NTM: variants seen among roughly 807,000 people sequenced by gnomAD.
NTM encodes IgLON family member 2.
NTM carries 13 observed loss-of-function variants against 42.1 expected under a neutral mutation model. That is an observed-to-expected ratio of 0.31 (90% confidence interval 0.20 to 0.49). NTM has a LOEUF of 0.49. NTM is among the 20% of genes least tolerant of loss of function. The pLI, the probability that NTM is intolerant of heterozygous loss-of-function variation, is 0.99. For synonymous variants in NTM, 187 were observed against 179.2 expected (o/e 1.04, Z -0.35); for missense variants, 373 against 452.8 (o/e 0.82, Z 1.60).
chr11:131,792,792 G>A (rs1113223), intron 1 of NTM, among the ~76,000 whole-genome samples: 5,887 of 152,252 alleles, frequency 0.039, 389 homozygotes, highest in African/African-American at 0.13. Flanking sequence ...GTGGCAATTC[G>A]TTTCATATGT....
intron 1 of NTM, among the ~76,000 whole-genome samples, chr11:131,458,582 A>G (rs1951108836): frequency 6.6e-6 from 1 of 152,168 alleles, no homozygotes; most frequent in Non-Finnish European, 1.5e-5. Flanking sequence ...GACGTGTGTT[A>G]CTGTCTGTCA....
chr11:132,315,392 G>A (rs2095402059), intron 7 of NTM, among the ~76,000 whole-genome samples: 1 of 152,126 alleles, frequency 6.6e-6, no homozygotes, highest in East Asian at 1.9e-4. Flanking sequence ...ACCAGGCAGG[G>A]CCCTGGGCCT....
At chr11:131,386,580 C>T (rs79625253) in intron 1 of NTM, among the ~76,000 whole-genome samples, 1,577 of 152,264 alleles carry the variant, frequency 0.01, 14 homozygotes, top group Middle Eastern at 0.048. Context: ...TAAAGGAGTT[C>T]GCATTTGCTG....
intron 1 of NTM, among the ~76,000 whole-genome samples, chr11:131,760,834 G>T (rs1417263602): frequency 6.6e-6 from 1 of 152,200 alleles, no homozygotes; most frequent in Non-Finnish European, 1.5e-5. Flanking sequence ...TCCAGGGGAC[G>T]TTGGAGCGTA....
In NTM at chr11:131,468,036, T is replaced by G. The variant is rs1317723092; in HGVS notation, c.82+97148T>G. Among the ~76,000 whole-genome samples the G allele has an allele frequency of 9.2e-5, 14 of 152,048 alleles. 1 individual carries two copies. On this transcript the variant is annotated intron_variant, in intron 1 of 8. Coordinates refer to ENST00000683400, the MANE Select transcript of NTM (RefSeq NM_001352005.2). ...ACCTCTTTGGACAGCTCCCGAAGAG[T>G]GCAGTGGGGGAAAGGGATGACGTAG...
chr11:131,370,763 A>C lies in NTM; in HGVS notation c.-44A>C. The stretch of plus-strand genomic sequence containing the variant: ...TATCAGGAAAGAAAGAAAGAAAAAA[A>C]CCGAACCTGACAAAAAAGAAGAAAA... On this transcript the variant is annotated 5_prime_UTR_variant, in exon 1 of 9. Transcript: ENST00000683400. 2 of 1,544,678 alleles carry C rather than the reference A, an allele frequency of 1.3e-6. No individual in the cohort carries two copies. The highest frequency in any genetic ancestry group is 1.8e-6 in the Non-Finnish European group (2 of 1,123,350).
At chr11:131,765,937 C>T (rs2085025339) in intron 1 of NTM, among the ~76,000 whole-genome samples, 1 of 152,158 alleles carries the variant, frequency 6.6e-6, no homozygotes, top group Non-Finnish European at 1.5e-5. Flanking sequence ...AGTTGATTAC[C>T]AATAATTTAC....
chr11:131,944,227 T>A (rs2060111567), intron 2 of NTM, among the ~76,000 whole-genome samples: 1 of 152,210 alleles, frequency 6.6e-6, no homozygotes, highest in South Asian at 2.1e-4. Context: ...CAGAGTAAAA[T>A]TCTCCATTTG....
intron 4 of NTM, among the ~76,000 whole-genome samples, chr11:132,227,557 T>A (rs1180885578): frequency 6.6e-6 from 1 of 152,148 alleles, no homozygotes; most frequent in African/African-American, 2.4e-5. Flanking sequence ...ATTATTGCGG[T>A]GTAATTACTT....
At chr11:131,441,268 T>C (rs1218091314) in intron 1 of NTM, among the ~76,000 whole-genome samples, 3 of 152,214 alleles carry the variant, frequency 2.0e-5, no homozygotes, top group Admixed American at 6.5e-5. Flanking sequence ...ATCCTAATCA[T>C]GCAAAGCACT....
At chr11:131,802,960 A>G (rs919764843) in intron 1 of NTM, among the ~76,000 whole-genome samples, 17 of 152,216 alleles carry the variant, frequency 1.1e-4, no homozygotes, top group African/African-American at 3.6e-4. Flanking sequence ...TTGTGAGCAG[A>G]CAGATGCAGC....
chr11:131,687,521 G>A (rs1018228475), intron 1 of NTM, among the ~76,000 whole-genome samples: 1 of 152,200 alleles, frequency 6.6e-6, no homozygotes, highest in East Asian at 1.9e-4. Flanking sequence ...GGGCGTCAGC[G>A]TGGGGCCGGC....
intron 1 of NTM, among the ~76,000 whole-genome samples, chr11:131,789,635 A>G (rs1442472078): frequency 5.3e-5 from 2 of 37,906 alleles, no homozygotes; most frequent in Non-Finnish European, 1.2e-4. Flanking sequence ...GAAGAAGAAG[A>G]AAAGAAGAAG....
At chr11:132,297,081 G>A (rs2140074041) in intron 4 of NTM, among the ~76,000 whole-genome samples, 1 of 152,290 alleles carries the variant, frequency 6.6e-6, no homozygotes, top group African/African-American at 2.4e-5. Flanking sequence ...GTAGAATTGT[G>A]CTGTGGTTTC....
intron 2 of NTM, among the ~76,000 whole-genome samples, chr11:132,089,546 C>G (rs1056944565): frequency 2.0e-5 from 3 of 152,154 alleles, no homozygotes; most frequent in African/African-American, 4.8e-5. Flanking sequence ...AATCATCAGT[C>G]TCTTCAATTA....
Position 131,789,481 on chromosome 11 carries a change from GA to G in NTM, c.83-122081del, listed in dbSNP as rs1204585574. Among the ~76,000 whole-genome samples the G allele has an allele frequency of 1.9e-4, 2 of 10,286 alleles. 1 individual carries two copies. Among genetic ancestry groups the G allele is most frequent in the Non-Finnish European group, 3.9e-4 (2 of 5,098 alleles). The allele number at this position is 10,286 out of a possible 152,430, so 6.7% of individuals were successfully genotyped here. A position where few individuals can be genotyped will look rare whatever the true frequency, so the allele number is the denominator to read the frequency against. On this transcript the variant is annotated intron_variant, in intron 1 of 8. Transcript: ENST00000683400. The stretch of plus-strand genomic sequence containing the variant: ...AGAAGAAGAAGAAGAAGAAGAAGAA[GA>G]AGAAGAAGAGGAAAGAAGAAGAAGA...
chr11:131,848,397 G>C (rs1364590779), intron 1 of NTM, among the ~76,000 whole-genome samples: 1 of 152,138 alleles, frequency 6.6e-6, no homozygotes, highest in Non-Finnish European at 1.5e-5. Context: ...GCAGCCATTT[G>C]GAATGCTTTT....
intron 1 of NTM, among the ~76,000 whole-genome samples, chr11:131,566,745 G>T (rs1039753666): frequency 3.9e-5 from 6 of 152,158 alleles, no homozygotes; most frequent in African/African-American, 1.4e-4. Context: ...TCCTGCTTTC[G>T]CTTGGGTTGT....
intron 1 of NTM, among the ~76,000 whole-genome samples, chr11:131,785,567 T>C (rs1157565682): frequency 6.6e-6 from 1 of 152,218 alleles, no homozygotes; most frequent in Non-Finnish European, 1.5e-5. Context: ...GGAGAAGAAC[T>C]CAAGACAGAA....
Sources: gnomAD v4.1 joint callset for allele counts (sites outside exome capture counted in the v4.1 genomes callset) on GRCh38, gnomAD v4.1.1 for gene constraint, MANE v1.5 for transcripts, NCBI Gene and HGNC (gene_info 2026-07-23, HGNC 2026-07-21) for gene names.